FAM91A1: variants seen among roughly 807,000 people sequenced by gnomAD.
The protein encoded by FAM91A1 is family with sequence similarity 91 member A1, also known as protein FAM91A1.
FAM91A1 carries 41 observed loss-of-function variants against 113.5 expected under a neutral mutation model. The ratio of observed to expected loss-of-function variants is 0.36; its 90% confidence interval spans 0.28 to 0.47. The LOEUF is 0.47. Ranked by LOEUF, FAM91A1 falls within the 20% of genes least tolerant of loss-of-function variation. FAM91A1 has a pLI of 1.00. For missense variants in FAM91A1, 696 were observed against 1,001.2 expected (o/e 0.70, Z 4.11); for synonymous variants, 307 against 347.9 (o/e 0.88, Z 1.31).
In FAM91A1 at chr8:123,803,122, A is replaced by G. The variant is rs886612997; in HGVS notation, c.1810-2145A>G. Among the ~76,000 whole-genome samples the G allele has an allele frequency of 7.4e-4, 112 of 152,282 alleles. 1 individual carries two copies. Among genetic ancestry groups the G allele is most frequent in the African/African-American group, 2.7e-3 (111 of 41,564 alleles). ...AGTTGGAGACCAACTTGGATAACAT[A>G]GTGAAACCCTGTCTTAATTTATAGT... On this transcript the variant is annotated intron_variant, in intron 18 of 23. Coordinates refer to ENST00000334705, the MANE Select transcript of FAM91A1 (RefSeq NM_144963.4).
intron 7 of FAM91A1, 118 bp from the exon 8 acceptor site, chr8:123,780,362 C>A (rs900627653): frequency 6.1e-6 from 5 of 826,328 alleles, no homozygotes; most frequent in Admixed American, 6.5e-5. Flanking sequence ...TTTACTTTTT[C>A]TTTCGTCACA....
At chr8:123,772,316 T>G (rs1298976869) in intron 1 of FAM91A1, among the ~76,000 whole-genome samples, 1 of 152,202 alleles carries the variant, frequency 6.6e-6, no homozygotes, top group African/African-American at 2.4e-5. Flanking sequence ...ATTGTGTGCT[T>G]GTTTGAGTAT....
At position 123,808,357 on chromosome 8, in the gene FAM91A1, A is replaced by T; in HGVS notation, c.2118A>T (p.Ser706=). 1 of 1,613,338 alleles carries T rather than the reference A, an allele frequency of 6.2e-7. No homozygotes were observed. The highest frequency in any genetic ancestry group is 8.5e-7 in the Non-Finnish European group (1 of 1,179,520). Residue 706 remains serine, a synonymous_variant, in exon 21 of 24, where the codon TCA becomes TCT. Coordinates refer to ENST00000334705, the MANE Select transcript of FAM91A1 (RefSeq NM_144963.4). ...TCATTGAGGAAGCAACTATAGATTC[A>T]GCAACAAAGCAAACCTCTGGTATGG... ...EMVIEEATID[S]ATKQTSGATT... is the part of the protein sequence containing the mutation.
At chr8:123,772,566 G>A (rs1037566020) in intron 1 of FAM91A1, among the ~76,000 whole-genome samples, 6 of 152,156 alleles carry the variant, frequency 3.9e-5, no homozygotes, top group Non-Finnish European at 8.8e-5. Flanking sequence ...TTCTACCGTG[G>A]GTTCTGGCTT....
intron 5 of FAM91A1, 62 bp downstream of exon 5, chr8:123,778,154 A>G: frequency 8.1e-7 from 1 of 1,237,564 alleles, no homozygotes. Context: ...TAGTTTTTTT[A>G]AGTGGTAGAA....
chr8:123,810,735 TTTCCCCCATCCCCA>T (rs1563650997), intron 23 of FAM91A1: 1 of 207,064 alleles, frequency 4.8e-6, no homozygotes, highest in Admixed American at 6.1e-5. Flanking sequence ...ACTTCTTGTT[TTTCCCCCATCCCCA>T]AGGAAAGAAA....
At position 123,813,013 on chromosome 8, in the gene FAM91A1, G is replaced by A. The variant is rs115076843; in HGVS notation, c.*309G>A. ...TGTTATGTTTATAAGCAGTCACTAT[G>A]AAAATTGCAATGGTAATTTTATATG... On this transcript the variant is annotated 3_prime_UTR_variant, in exon 24 of 24. Coordinates refer to ENST00000334705, the MANE Select transcript of FAM91A1 (RefSeq NM_144963.4). 5 of 202,202 alleles carry A rather than the reference G, an allele frequency of 2.5e-5. No individual in the cohort carries two copies. Among genetic ancestry groups the A allele is most frequent in the African/African-American group, 9.2e-5 (4 of 43,412 alleles). 12.5% of individuals were successfully genotyped at this position (202,202 alleles called of 1,614,324 possible). A position where few individuals can be genotyped will look rare whatever the true frequency, so the allele number is the denominator to read the frequency against.
intron 15 of FAM91A1, among the ~76,000 whole-genome samples, chr8:123,790,036 A>T (rs1282803273): frequency 6.6e-6 from 1 of 152,224 alleles, no homozygotes; most frequent in Non-Finnish European, 1.5e-5. Context: ...TAGAACAGGC[A>T]TCAGCTCTGA....
intron 15 of FAM91A1, among the ~76,000 whole-genome samples, chr8:123,792,294 T>C (rs1815403742): frequency 6.6e-6 from 1 of 152,242 alleles, no homozygotes; most frequent in Admixed American, 6.5e-5. Flanking sequence ...GTACTTGTTA[T>C]CTACTATAAA....
intron 18 of FAM91A1, 65 bp downstream of exon 18, chr8:123,799,950 A>G (rs555151204): frequency 5.1e-5 from 64 of 1,256,902 alleles, no homozygotes; most frequent in Admixed American, 1.6e-4. Context: ...CTAGCTTTCT[A>G]TATTGAGTTG....
chr8:123,771,916 T>A (rs997424404), intron 1 of FAM91A1, among the ~76,000 whole-genome samples: 3 of 152,236 alleles, frequency 2.0e-5, no homozygotes, highest in African/African-American at 7.2e-5. Flanking sequence ...CAACTTCATT[T>A]GTCAGACCTG....
rs1815264164 is a variant in FAM91A1 at position 123,786,594 on chromosome 8, T to G, written c.1062T>G (p.Asn354Lys). 4 of 1,613,978 alleles carry G rather than the reference T, an allele frequency of 2.5e-6. No homozygotes were observed. The East Asian group carries it at 8.9e-5, about 36-fold the overall frequency. Residue 354 changes from asparagine (N) to lysine (K), a missense_variant, in exon 12 of 24, where the codon AAT becomes AAG. Physicochemically the swap from Asn to Lys is moderately conservative, Grantham distance 94. Coordinates refer to ENST00000334705, the MANE Select transcript of FAM91A1 (RefSeq NM_144963.4). ...EASSATDTDT[N>K]SQEDPADTAS... Reference sequence around the variant, plus strand: ...CATCGGCAACTGACACTGATACAAATAGTCAAGAAGATCCAGGTTAGCAGT... The same window carrying G: ...CATCGGCAACTGACACTGATACAAAGAGTCAAGAAGATCCAGGTTAGCAGT...
At chr8:123,770,833 A>G (rs1586364541) in intron 1 of FAM91A1, among the ~76,000 whole-genome samples, 1 of 152,340 alleles carries the variant, frequency 6.6e-6, no homozygotes, top group South Asian at 2.1e-4. Flanking sequence ...TGGCTATTTT[A>G]GCTTAGGATA....
chr8:123,792,931 C>T (rs746983156), intron 15 of FAM91A1, among the ~76,000 whole-genome samples: 17 of 152,190 alleles, frequency 1.1e-4, no homozygotes, highest in Non-Finnish European at 2.1e-4. Context: ...ACTGCCTGTT[C>T]TGAATTATCA....
intron 20 of FAM91A1, 101 bp from the exon 21 acceptor site, chr8:123,808,171 C>T (rs16898889): frequency 0.068 from 61,903 of 905,952 alleles, 3,672 homozygotes; most frequent in African/African-American, 0.27. Context: ...TTTCTGTCAT[C>T]ATTACTATTG....
intron 8 of FAM91A1, among the ~76,000 whole-genome samples, chr8:123,782,005 T>A (rs1479694169): frequency 6.6e-6 from 1 of 152,228 alleles, no homozygotes; most frequent in Non-Finnish European, 1.5e-5. Context: ...CTGACGTTGA[T>A]TCATTTGAGA....
chr8:123,787,378 G>A lies in FAM91A1; in HGVS notation c.1191+5G>A, dbSNP rs765144639. The A allele has an allele frequency of 6.2e-7, 1 of 1,601,034 alleles. No homozygotes were observed. Among genetic ancestry groups the A allele is most frequent in the Non-Finnish European group, 8.5e-7 (1 of 1,170,432 alleles). ...ATGATGGGAAATCTTTCACCAGTAAGCCCAATTCTTGTTTAAATATGAAGG... is the reference window on the plus strand; with the variant it reads ...ATGATGGGAAATCTTTCACCAGTAAACCCAATTCTTGTTTAAATATGAAGG... On this transcript the variant is annotated splice_donor_5th_base_variant and intron_variant, in intron 13 of 23. Transcript: ENST00000334705.
intron 22 of FAM91A1, among the ~76,000 whole-genome samples, chr8:123,809,677 A>C (rs1815903824): frequency 6.6e-6 from 1 of 152,238 alleles, no homozygotes; most frequent in South Asian, 2.1e-4. Flanking sequence ...ATTTTAGAAA[A>C]TGAAGTTGGA....
chr8:123,777,161 T>A, intron 3 of FAM91A1, 104 bp from the exon 4 acceptor site: 1 of 804,238 alleles, frequency 1.2e-6, no homozygotes, highest in Non-Finnish European at 1.9e-6. Context: ...TCTTACTGCT[T>A]CCTGTAATAA....
Sources: gnomAD v4.1 joint callset for allele counts (sites outside exome capture counted in the v4.1 genomes callset) on GRCh38, gnomAD v4.1.1 for gene constraint, MANE v1.5 for transcripts, NCBI Gene and HGNC (gene_info 2026-07-23, HGNC 2026-07-21) for gene names.